Variants in KCNIP4 observed in about 807,000 individuals in gnomAD.
The protein encoded by KCNIP4 is Kv channel-interacting protein 4.
In KCNIP4, 12 loss-of-function variants were observed where a neutral mutation model predicts 34.0. That is an observed-to-expected ratio of 0.35 (90% CI 0.23 to 0.57). KCNIP4 has a LOEUF of 0.57. Among genes scored for constraint, KCNIP4 ranks in the 20% least tolerant of loss-of-function variants. The pLI is 0.83. For missense variants in KCNIP4, 238 were observed against 311.7 expected, an observed-to-expected ratio of 0.76 and a Z score of 1.78; for synonymous variants, 124 against 102.2, an observed-to-expected ratio of 1.21 and a Z score of -1.29.
intron 1 of KCNIP4, among the ~76,000 whole-genome samples, chr4:21,573,143 C>T (rs1023154963): frequency 1.3e-5 from 2 of 152,098 alleles, no homozygotes; most frequent in South Asian, 4.1e-4. Context: ...ATAGCATTAG[C>T]GGTAGTAGCA....
rs1753231660 is a variant in KCNIP4, at chr4:20,749,690, G to A, written c.401C>T (p.Thr134Ile). Residue 134 changes from threonine to isoleucine, a missense_variant, in exon 5 of 9, where the codon ACA (threonine) becomes ATA (isoleucine). Coordinates refer to ENST00000382152, the MANE Select transcript of KCNIP4 (RefSeq NM_025221.6). ...GAAACTCACAGCTCCATTGTGGTCT[G>A]TATCAAATGCATTGAACAGAAAATG... Reference protein sequence around the residue: ...YAHFLFNAFDTDHNGAVSFED... With the variant: ...YAHFLFNAFDIDHNGAVSFED... 1.9e-6 allele frequency: 3 copies of A among 1,609,206 alleles called. No individual in the cohort carries two copies. The highest frequency in any genetic ancestry group is 2.5e-6 in the Non-Finnish European group (3 of 1,176,640).
chr4:21,348,321 A>G (rs888170188), intron 1 of KCNIP4, among the ~76,000 whole-genome samples: 3 of 152,218 alleles, frequency 2.0e-5, no homozygotes, highest in African/African-American at 7.2e-5. Context: ...TAAGTTATCA[A>G]AAGCTTACAA....
chr4:21,518,232 G>A (rs965612650), intron 1 of KCNIP4, among the ~76,000 whole-genome samples: 1 of 152,110 alleles, frequency 6.6e-6, no homozygotes, highest in Non-Finnish European at 1.5e-5. Flanking sequence ...TATTGGCCTG[G>A]CAAGTCCATA....
chr4:20,735,706 T>C (rs1377382055), intron 5 of KCNIP4, among the ~76,000 whole-genome samples: 1 of 151,906 alleles, frequency 6.6e-6, no homozygotes, highest in Non-Finnish European at 1.5e-5. Context: ...CTGACTAATT[T>C]TTGTATTTTT....
chr4:20,796,095 A>C (rs1030926961), intron 3 of KCNIP4, among the ~76,000 whole-genome samples: 2 of 152,222 alleles, frequency 1.3e-5, no homozygotes, highest in Non-Finnish European at 2.9e-5. Context: ...AGAAAGTTTA[A>C]AATAAAGACT....
intron 3 of KCNIP4, among the ~76,000 whole-genome samples, chr4:20,846,504 G>A (rs986205493): frequency 5.9e-5 from 9 of 152,132 alleles, no homozygotes; most frequent in African/African-American, 1.9e-4. Flanking sequence ...GTTCTCAAAT[G>A]AGGCTTTCTG....
In KCNIP4 at chr4:20,734,706, G is replaced by T. The variant is rs768596096; in HGVS notation, c.459C>A (p.Leu153=). ...EDFIKGLSIL[L]RGTVQEKLNW... ...TGAGTTTTTCTTGTACTGTCCCCCGGAGCAAAATGGAAAGACCTTTGATGA... is the reference window on the plus strand; with the variant it reads ...TGAGTTTTTCTTGTACTGTCCCCCGTAGCAAAATGGAAAGACCTTTGATGA... The change falls in exon 6 of 9, where the codon CTC becomes CTA. Residue 153 remains leucine (L), a synonymous_variant. Transcript: ENST00000382152. 2.5e-6 allele frequency: 4 copies of T among 1,588,272 alleles called. No individual in the cohort carries two copies. The highest frequency in any genetic ancestry group is 2.6e-6 in the Non-Finnish European group (3 of 1,167,736).
rs78681746 is a variant in KCNIP4 at position 21,695,243 on chromosome 4, C to T, written c.61+253328G>A. ...AATGCATAAATTGGCTTTTCCAAGT[C>T]GCATTTTGAGTAGTTGTAAAGATTC... On this transcript the variant is annotated intron_variant, in intron 1 of 8. Coordinates refer to ENST00000382152, the MANE Select transcript of KCNIP4 (RefSeq NM_025221.6). Among the ~76,000 whole-genome samples, 78 of 152,048 alleles carry T rather than the reference C, an allele frequency of 5.1e-4. No individual in the cohort carries two copies. The East Asian group carries it at 0.013, about 26-fold the overall frequency.
chr4:21,929,652 T>A (rs1729455575), intron 1 of KCNIP4, among the ~76,000 whole-genome samples: 1 of 152,136 alleles, frequency 6.6e-6, no homozygotes, highest in Non-Finnish European at 1.5e-5. Context: ...CTCAGTCTAT[T>A]CCTTTTCTTT....
intron 3 of KCNIP4, among the ~76,000 whole-genome samples, chr4:20,786,015 A>G (rs1183829222): frequency 6.6e-6 from 1 of 152,210 alleles, no homozygotes; most frequent in African/African-American, 2.4e-5. Flanking sequence ...TTATCACAGC[A>G]CTATTCACAA....
chr4:20,819,102 T>A (rs377178958), intron 3 of KCNIP4, among the ~76,000 whole-genome samples: 1 of 151,952 alleles, frequency 6.6e-6, no homozygotes, highest in East Asian at 1.9e-4. Flanking sequence ...CAGGCTGGTT[T>A]TGAACTCTCG....
chr4:21,697,586 C>A (rs1476695976), intron 1 of KCNIP4: 2 of 1,374,006 alleles, frequency 1.5e-6, no homozygotes, highest in Admixed American at 3.9e-5. Flanking sequence ...TAGCTGTTAG[C>A]GCCTCAATCA....
At chr4:21,903,867 T>C (rs1727844324) in intron 1 of KCNIP4, among the ~76,000 whole-genome samples, 2 of 152,196 alleles carry the variant, frequency 1.3e-5, no homozygotes, top group South Asian at 2.1e-4. Context: ...AGAAGTCTCA[T>C]TCCTTCACAA....
intron 1 of KCNIP4, among the ~76,000 whole-genome samples, chr4:20,921,688 CA>C (rs1729401329): frequency 6.6e-6 from 1 of 152,120 alleles, no homozygotes; most frequent in South Asian, 2.1e-4. Flanking sequence ...ACTGTGATTG[CA>C]AATAAATTCA....
At chr4:21,501,860 C>G (rs1329036440) in intron 1 of KCNIP4, among the ~76,000 whole-genome samples, 1 of 151,722 alleles carries the variant, frequency 6.6e-6, no homozygotes, top group Non-Finnish European at 1.5e-5. Context: ...GTTCAAATTT[C>G]CCCTTGCTGA....
At position 21,437,880 on chromosome 4, in the gene KCNIP4, AGTGTGTGTGTGTGTGTGT is replaced by A. The variant is rs71655635; in HGVS notation, c.61+510673_61+510690del. Among the ~76,000 whole-genome samples, 155 of 143,358 alleles carry A rather than the reference AGTGTGTGTGTGTGTGTGT, an allele frequency of 1.1e-3. 1 individual carries two copies. In the Middle Eastern group the frequency reaches 0.018, roughly 16 times the overall value. The allele number at this position is 143,358 out of a possible 152,430, so 94.0% of individuals were successfully genotyped here. ...AGGTTTTATGTCTTTTTATTTTACA[AGTGTGTGTGTGTGTGTGT>A]GTGTGTGTGTGTGTGTGTGTGTGTG... On this transcript the variant is annotated intron_variant, in intron 1 of 8. Coordinates refer to ENST00000382152, the MANE Select transcript of KCNIP4 (RefSeq NM_025221.6).
In KCNIP4 at chr4:21,273,679, G is replaced by A. The variant is rs564296865; in HGVS notation, c.62-390970C>T. On this transcript the variant is annotated intron_variant, in intron 1 of 8. Transcript: ENST00000382152. ...TATCCTTATCTCTCCAAATTGCAGA[G>A]CTTCTAAATTCCACTTACACTAAAA... Among the ~76,000 whole-genome samples the A allele has an allele frequency of 6.6e-5, 10 of 152,204 alleles. No individual in the cohort carries two copies. In the South Asian group the frequency reaches 2.1e-3, roughly 32 times the overall value.
chr4:21,752,736 G>A (rs1279273193), intron 1 of KCNIP4, among the ~76,000 whole-genome samples: 4 of 152,158 alleles, frequency 2.6e-5, no homozygotes, highest in Non-Finnish European at 4.4e-5. Flanking sequence ...CCTTTCTTTA[G>A]GAGCCTGCTA....
chr4:21,326,901 GCAAA>G (rs1386875740), intron 1 of KCNIP4, among the ~76,000 whole-genome samples: 5 of 151,852 alleles, frequency 3.3e-5, no homozygotes, highest in African/African-American at 1.2e-4. Flanking sequence ...GATTGCATAA[GCAAA>G]CAAACAAGCA....
Sources: allele counts gnomAD v4.1 joint callset (sites outside exome capture counted in the v4.1 genomes callset), GRCh38; gene constraint gnomAD v4.1.1; transcripts MANE v1.5; gene names NCBI Gene and HGNC (gene_info 2026-07-23, HGNC 2026-07-21).